Variants in RAB2B observed in about 807,000 individuals in gnomAD.
The protein encoded by RAB2B is RAB2B, member RAS oncogene family, also known as ras-related protein Rab-2B.
A neutral mutation model predicts 29.8 loss-of-function variants in RAB2B; 20 were observed. The observed-to-expected ratio is 0.67, with a 90% CI of 0.47 to 0.97. The LOEUF (loss-of-function observed/expected upper bound fraction) is 0.97, where lower values mean the gene tolerates loss of function less well. RAB2B is among the 50% of genes least tolerant of loss of function. The probability of loss-of-function intolerance (pLI) is 0.00; values close to 1 mark genes in which losing one functional copy is unlikely to be tolerated. For synonymous variants in RAB2B, 93 were observed against 91.7 expected (o/e 1.01, Z -0.08); for missense variants, 218 against 272.0 (o/e 0.80, Z 1.40).
At chr14:21,472,529 A>T (rs1350060947) in intron 3 of RAB2B, among the ~76,000 whole-genome samples, 1 of 152,208 alleles carries the variant, frequency 6.6e-6, no homozygotes, top group East Asian at 1.9e-4. Context: ...GACTAGATGG[A>T]CACATTATTA....
rs1240818149 is a variant in RAB2B at position 21,461,034 on chromosome 14, G to C, written c.*162C>G. ...ATGCTCATGTCCCTGAAGGAGGACA[G>C]GTCAGTAAGGGCCCAAATTCTCTCC... On this transcript the variant is annotated 3_prime_UTR_variant, in exon 8 of 8. Coordinates refer to ENST00000397762, the MANE Select transcript of RAB2B (RefSeq NM_032846.4). 5.4e-6 allele frequency: 3 copies of C among 559,014 alleles called. No homozygotes were observed. Among genetic ancestry groups the C allele is most frequent in the African/African-American group, 3.8e-5 (2 of 52,006 alleles). The allele number at this position is 559,014 out of a possible 1,614,324, so 34.6% of individuals were successfully genotyped here.
chr14:21,476,916 C>T lies in RAB2B; in HGVS notation c.-44G>A. On this transcript the variant is annotated 5_prime_UTR_variant, in exon 1 of 8. Transcript: ENST00000397762. ...TTCCGGGTCCGCCCGACTTCTATAGCCACTTACCTCCGACCTCTCTAGCCA... is the reference window on the plus strand; with the variant it reads ...TTCCGGGTCCGCCCGACTTCTATAGTCACTTACCTCCGACCTCTCTAGCCA... 6.2e-7 allele frequency: 1 copy of T among 1,602,152 alleles called. No individual in the cohort carries two copies. The highest frequency in any genetic ancestry group is 8.5e-7 in the Non-Finnish European group (1 of 1,170,980).
At chr14:21,461,366 G>C in intron 7 of RAB2B, 63 bp from the exon 8 acceptor site, 1 of 1,062,100 alleles carries the variant, frequency 9.4e-7, no homozygotes, top group Non-Finnish European at 1.4e-6. Flanking sequence ...GACAGGAGGG[G>C]GCTATCTCTG....
In RAB2B at chr14:21,460,455, C is replaced by T; in HGVS notation, c.*741G>A. On this transcript the variant is annotated 3_prime_UTR_variant, in exon 8 of 8. Transcript: ENST00000397762. ...CAAAAATGAGCCAGGTGTGGTGGCA[C>T]ATGCCTGTAGTCCCAGCTACTCGGG... The T allele has an allele frequency of 2.9e-6, 1 of 349,772 alleles. No homozygotes were observed. Among genetic ancestry groups the T allele is most frequent in the Non-Finnish European group, 5.7e-6 (1 of 176,372 alleles). The allele number at this position is 349,772 out of a possible 1,614,324, so 21.7% of individuals were successfully genotyped here. A position where few individuals can be genotyped will look rare whatever the true frequency, so the allele number is the denominator to read the frequency against.
At chr14:21,472,572 A>G (rs1890844835) in intron 3 of RAB2B, among the ~76,000 whole-genome samples, 1 of 152,170 alleles carries the variant, frequency 6.6e-6, no homozygotes, top group Admixed American at 6.5e-5. Context: ...TTCAAAATAT[A>G]TAGAAAACCA....
In RAB2B at chr14:21,462,480, A is replaced by C. The variant is rs1162260972; in HGVS notation, c.475-62T>G. ...TCAGGTAGAGAAATGAGGGAAAGAG[A>C]ATATTAATTATTATTCATATTTGAA... On this transcript the variant is annotated intron_variant, in intron 6 of 7. Coordinates refer to ENST00000397762, the MANE Select transcript of RAB2B (RefSeq NM_032846.4). 3 of 1,373,782 alleles carry C rather than the reference A, an allele frequency of 2.2e-6. No homozygotes were observed. In the Admixed American group the frequency reaches 5.6e-5, roughly 26 times the overall value. 85.1% of individuals were successfully genotyped at this position (1,373,782 alleles called of 1,614,324 possible). A position where few individuals can be genotyped will look rare whatever the true frequency, so the allele number is the denominator to read the frequency against.
chr14:21,468,055 G>T (rs745392991), intron 5 of RAB2B, among the ~76,000 whole-genome samples: 1 of 152,032 alleles, frequency 6.6e-6, no homozygotes, highest in Non-Finnish European at 1.5e-5. Flanking sequence ...GGATGAGGGG[G>T]ATGGGGGAGG....
At chr14:21,470,440 G>C (rs966584410) in intron 3 of RAB2B, among the ~76,000 whole-genome samples, 1 of 152,030 alleles carries the variant, frequency 6.6e-6, no homozygotes, top group Non-Finnish European at 1.5e-5. Context: ...GGTGAGAAGA[G>C]AATTCCAGTA....
chr14:21,461,273 A>C lies in RAB2B; in HGVS notation c.574T>G (p.Ser192Ala). 2 of 1,613,808 alleles carry C rather than the reference A, an allele frequency of 1.2e-6. No individual in the cohort carries two copies. Among genetic ancestry groups the C allele is most frequent in the Non-Finnish European group, 1.7e-6 (2 of 1,179,818 alleles). Residue 192 changes from serine to alanine, a missense_variant, in exon 8 of 8, where the codon TCA (serine) becomes GCA (alanine). Physicochemically the swap from Ser to Ala is moderately conservative, Grantham distance 99 (BLOSUM62 1). Coordinates refer to ENST00000397762, the MANE Select transcript of RAB2B (RefSeq NM_032846.4). Reference sequence around the variant, plus strand: ...CTGGGTCCCACTGATGTTGAAATTGACTGTTGGGGCCCAATCTTGATGCCA... The same window carrying C: ...CTGGGTCCCACTGATGTTGAAATTGCCTGTTGGGGCCCAATCTTGATGCCA... ...ANGIKIGPQQ[S>A]ISTSVGPSAS...
intron 5 of RAB2B, among the ~76,000 whole-genome samples, chr14:21,464,447 AGTCATAAGAT>A (rs1409482700): frequency 6.6e-6 from 1 of 152,112 alleles, no homozygotes; most frequent in Non-Finnish European, 1.5e-5. Context: ...AAAGCAGAAA[AGTCATAAGAT>A]GTCCCATCCA....
intron 3 of RAB2B, chr14:21,474,393 G>C (rs1890896541): frequency 6.3e-6 from 1 of 159,990 alleles, no homozygotes; most frequent in Non-Finnish European, 1.4e-5. Flanking sequence ...TACAATCTAA[G>C]TCACACAACT....
At chr14:21,476,718 C>T in intron 1 of RAB2B, 109 bp downstream of exon 1, 3 of 1,598,064 alleles carry the variant, frequency 1.9e-6, no homozygotes, top group Non-Finnish European at 2.6e-6. Context: ...CCGAACCGCC[C>T]CGCCCGTCTC....
chr14:21,476,539 TCGTGGACAGGCTGGAA>T lies in RAB2B; in HGVS notation c.91_106del (p.Phe31ThrfsTer4). On this transcript the variant is annotated frameshift_variant, in exon 2 of 8. Transcript: ENST00000397762. LOFTEE classifies it high-confidence loss of function. ...GTAGATGCACTTACCTATTGTGAGG[TCGTGGACAGGCTGGAA>T]CCGCTTATCTGTAAACTGCAGGAGG... 5.0e-6 allele frequency: 8 copies of T among 1,613,722 alleles called. No homozygotes were observed. The highest frequency in any genetic ancestry group is 6.8e-6 in the Non-Finnish European group (8 of 1,180,022).
At position 21,475,430 on chromosome 14, in the gene RAB2B, C is replaced by CTG. The variant is rs376284486; in HGVS notation, c.119-497_119-496insCA. 5.3e-3 allele frequency among the ~76,000 whole-genome samples: 686 copies of CTG among 129,508 alleles called. 2 individuals carry two copies. The highest frequency in any genetic ancestry group is 0.017 in the Middle Eastern group (4 of 234). The allele number at this position is 129,508 out of a possible 152,430, so 85.0% of individuals were successfully genotyped here. A position where few individuals can be genotyped will look rare whatever the true frequency, so the allele number is the denominator to read the frequency against. On this transcript the variant is annotated intron_variant, in intron 2 of 7. Coordinates refer to ENST00000397762, the MANE Select transcript of RAB2B (RefSeq NM_032846.4). ...AAGAAATAGGTTCTCAGAAACAATA[C>CTG]TTTTTTTTTTTTTTTTTTGAGATGG...
rs770502597 is a variant in RAB2B, at chr14:21,460,168, C to CA, written c.*1027dup. ...CCCAAAGGCAAGGAAGAAAAAAACT[C>CA]AATGAAATTCCGAGGCAGAGGATCT... is the stretch of plus-strand genomic sequence containing the variant. On this transcript the variant is annotated 3_prime_UTR_variant, in exon 8 of 8. Coordinates refer to ENST00000397762, the MANE Select transcript of RAB2B (RefSeq NM_032846.4). 3.9e-6 allele frequency: 2 copies of CA among 518,762 alleles called. No homozygotes were observed. Among genetic ancestry groups the CA allele is most frequent in the South Asian group, 1.4e-5 (1 of 71,598 alleles). The allele number at this position is 518,762 out of a possible 1,614,324, so 32.1% of individuals were successfully genotyped here. A position where few individuals can be genotyped will look rare whatever the true frequency, so the allele number is the denominator to read the frequency against.
intron 3 of RAB2B, among the ~76,000 whole-genome samples, chr14:21,473,861 A>C (rs1366888632): frequency 6.6e-6 from 1 of 152,018 alleles, no homozygotes; most frequent in East Asian, 1.9e-4. Flanking sequence ...AAATACAAAA[A>C]ATTAGCCAGG....
Position 21,460,356 on chromosome 14 carries a change from G to T in RAB2B, c.*840C>A, listed in dbSNP as rs1443144537. ...TAATCCAGCACTTTGGGAGGCCAAGGTGGGCGGATCACGAGGTCAAGAGAT... is the reference window on the plus strand; with the variant it reads ...TAATCCAGCACTTTGGGAGGCCAAGTTGGGCGGATCACGAGGTCAAGAGAT... On this transcript the variant is annotated 3_prime_UTR_variant, in exon 8 of 8. Coordinates refer to ENST00000397762, the MANE Select transcript of RAB2B (RefSeq NM_032846.4). 4.0e-6 allele frequency: 2 copies of T among 504,338 alleles called. No individual in the cohort carries two copies. The highest frequency in any genetic ancestry group is 4.1e-5 in the Admixed American group (2 of 49,020). The allele number at this position is 504,338 out of a possible 1,614,324, so 31.2% of individuals were successfully genotyped here.
intron 5 of RAB2B, among the ~76,000 whole-genome samples, chr14:21,466,175 T>C (rs2139597386): frequency 6.6e-6 from 1 of 150,634 alleles, no homozygotes; most frequent in African/African-American, 2.4e-5. Flanking sequence ...TTTCAATACA[T>C]TGACTGATAC....
rs555119498 is a variant in RAB2B at position 21,466,552 on chromosome 14, A to T, written c.362+1805T>A. On this transcript the variant is annotated intron_variant, in intron 5 of 7. Coordinates refer to ENST00000397762, the MANE Select transcript of RAB2B (RefSeq NM_032846.4). ...AATTAGCCTGTGGCCACAGTTCTCA[A>T]ATAGTACACTCTGGGCACTACTACA... is the stretch of plus-strand genomic sequence containing the variant. Among the ~76,000 whole-genome samples the T allele has an allele frequency of 2.6e-4, 39 of 152,286 alleles. 2 individuals are homozygous for T. In the South Asian group the frequency reaches 8.1e-3, roughly 32 times the overall value.
Sources: gnomAD v4.1 joint callset for allele counts (sites outside exome capture counted in the v4.1 genomes callset) on GRCh38, gnomAD v4.1.1 for gene constraint, MANE v1.5 for transcripts, NCBI Gene and HGNC (gene_info 2026-07-23, HGNC 2026-07-21) for gene names.